Variants in HOOK3 observed in about 807,000 individuals in gnomAD.
The protein encoded by HOOK3 is hook microtubule tethering protein 3, also known as protein Hook homolog 3.
In HOOK3, 24 loss-of-function variants were observed where a neutral mutation model predicts 116.3. That is an observed-to-expected ratio of 0.21 (90% confidence interval 0.15 to 0.29). The LOEUF (loss-of-function observed/expected upper bound fraction) is 0.29. Ranked by LOEUF, HOOK3 falls within the 10% of genes least tolerant of loss-of-function variation. The pLI is 1.00. For missense variants in HOOK3, 632 were observed against 830.2 expected (o/e 0.76, Z 2.93); for synonymous variants, 275 against 283.0 (o/e 0.97, Z 0.28).
At chr8:42,975,805 A>G (rs34582788) in intron 13 of HOOK3, among the ~76,000 whole-genome samples, 7,240 of 152,274 alleles carry the variant, frequency 0.048, 231 homozygotes, top group South Asian at 0.086. Flanking sequence ...TCCCAGGTTC[A>G]AGCGATACTC....
chr8:43,004,830 T>C (rs1809447831), intron 17 of HOOK3, among the ~76,000 whole-genome samples: 1 of 152,192 alleles, frequency 6.6e-6, no homozygotes, highest in South Asian at 2.1e-4. Context: ...ATCAGTCTGC[T>C]TAGTAAACCT....
At chr8:42,902,764 C>A (rs1807217117) in intron 1 of HOOK3, among the ~76,000 whole-genome samples, 1 of 152,148 alleles carries the variant, frequency 6.6e-6, no homozygotes, top group African/African-American at 2.4e-5. Flanking sequence ...GATGAAACAT[C>A]CTGTCTAAAT....
chr8:42,999,737 C>G (rs1809344189), intron 16 of HOOK3, among the ~76,000 whole-genome samples: 1 of 152,050 alleles, frequency 6.6e-6, no homozygotes, highest in African/African-American at 2.4e-5. Flanking sequence ...AGCAGAAAAA[C>G]ATTGTTATAT....
rs1809996824 is a variant in HOOK3 at position 43,029,717 on chromosome 8, C to A, written c.*11219C>A. 1.5e-5 allele frequency: 3 copies of A among 196,930 alleles called. No individual in the cohort carries two copies. The highest frequency in any genetic ancestry group is 3.2e-5 in the Non-Finnish European group (3 of 95,176). The allele number at this position is 196,930 out of a possible 1,614,324, so 12.2% of individuals were successfully genotyped here. A position where few individuals can be genotyped will look rare whatever the true frequency, so the allele number is the denominator to read the frequency against. On this transcript the variant is annotated 3_prime_UTR_variant, in exon 22 of 22. Transcript: ENST00000307602. ...CCTTAGTTTGATTAATAAATTATAT[C>A]AAAAAACTTGGGGATAGAAAGAGGC...
chr8:42,965,933 G>C (rs1808624929), intron 9 of HOOK3, among the ~76,000 whole-genome samples: 1 of 152,066 alleles, frequency 6.6e-6, no homozygotes, highest in African/African-American at 2.4e-5. Context: ...TGTCTGCAAG[G>C]CTGGATTTTC....
In HOOK3 at chr8:43,015,935, C is replaced by G. The variant is rs569772153; in HGVS notation, c.2017-2423C>G. On this transcript the variant is annotated intron_variant, in intron 21 of 21. Transcript: ENST00000307602. ...GTTTCACCATCTTGGCCAGGCTGTT[C>G]TTGAATTCCTGACCTCGTGATTCAC... 4.4e-4 allele frequency among the ~76,000 whole-genome samples: 67 copies of G among 151,216 alleles called. 1 individual carries two copies. Among genetic ancestry groups the G allele is most frequent in the African/African-American group, 1.6e-3 (67 of 41,214 alleles).
chr8:42,905,230 C>T (rs1214783771), intron 1 of HOOK3, among the ~76,000 whole-genome samples: 2 of 150,522 alleles, frequency 1.3e-5, no homozygotes, highest in African/African-American at 4.9e-5. Context: ...GAATTCATCT[C>T]ACATACCGGG....
At chr8:42,902,802 T>G (rs1807217607) in intron 1 of HOOK3, among the ~76,000 whole-genome samples, 1 of 152,188 alleles carries the variant, frequency 6.6e-6, no homozygotes. Flanking sequence ...GGATTAGAAT[T>G]AGCTCCTTTC....
At position 42,970,782 on chromosome 8, in the gene HOOK3, C is replaced by CTTTTTTTTTT. The variant is rs764513803; in HGVS notation, c.1123-2495_1123-2486dup. Among the ~76,000 whole-genome samples the CTTTTTTTTTT allele has an allele frequency of 2.2e-4, 21 of 93,858 alleles. 3 individuals carry two copies. The highest frequency in any genetic ancestry group is 8.7e-4 in the African/African-American group (20 of 23,078). 61.6% of individuals were successfully genotyped at this position (93,858 alleles called of 152,430 possible). On this transcript the variant is annotated intron_variant, in intron 11 of 21. Coordinates refer to ENST00000307602, the MANE Select transcript of HOOK3 (RefSeq NM_032410.4). ...GTAAAGAAATAAAAGGAATTTGGGT[C>CTTTTTTTTTT]TTTTTTTTTTTTTTTTTTTTTCTGA...
chr8:42,927,245 G>GTTTTTTTTTTTTT (rs1283654855), intron 3 of HOOK3, among the ~76,000 whole-genome samples: 2 of 119,340 alleles, frequency 1.7e-5, no homozygotes, highest in Non-Finnish European at 3.4e-5. Context: ...AATGGCACTG[G>GTTTTTTTTTTTTT]TTTTTTTTTT....
chr8:43,028,500 G>GT lies in HOOK3; in HGVS notation c.*10010dup, dbSNP rs1182536893. The stretch of plus-strand genomic sequence containing the variant: ...ATAGATCTAATGAACATTGCCAACA[G>GT]TTTTTTTTGTTTCTGTCCCTTAAAC... On this transcript the variant is annotated 3_prime_UTR_variant, in exon 22 of 22. Coordinates refer to ENST00000307602, the MANE Select transcript of HOOK3 (RefSeq NM_032410.4). The GT allele has an allele frequency of 7.9e-5, 15 of 189,422 alleles. No homozygotes were observed. The highest frequency in any genetic ancestry group is 4.3e-4 in the East Asian group (5 of 11,764). The allele number at this position is 189,422 out of a possible 1,614,324, so 11.7% of individuals were successfully genotyped here.
chr8:42,927,314 TGGTGC>T (rs1260858613), intron 3 of HOOK3, among the ~76,000 whole-genome samples: 1 of 148,872 alleles, frequency 6.7e-6, no homozygotes, highest in Non-Finnish European at 1.5e-5. Context: ...TGTAGTGCAG[TGGTGC>T]AATCTCGGCT....
chr8:42,904,515 G>A (rs1365340407), intron 1 of HOOK3, among the ~76,000 whole-genome samples: 1 of 151,902 alleles, frequency 6.6e-6, no homozygotes, highest in East Asian at 1.9e-4. Flanking sequence ...ATTTCACTGT[G>A]TTAGTCAGGA....
At chr8:43,010,976 T>TG (rs2130487386) in intron 19 of HOOK3, among the ~76,000 whole-genome samples, 1 of 151,254 alleles carries the variant, frequency 6.6e-6, no homozygotes, top group African/African-American at 2.4e-5. Flanking sequence ...AGTCCTGGAC[T>TG]GGGGGTTAAG....
chr8:42,921,081 G>A (rs1476152351), intron 2 of HOOK3, among the ~76,000 whole-genome samples: 1 of 152,072 alleles, frequency 6.6e-6, no homozygotes, highest in Non-Finnish European at 1.5e-5. Flanking sequence ...TTATTCATAA[G>A]GTGTATTACT....
chr8:42,936,905 C>T (rs1807981606), intron 4 of HOOK3, among the ~76,000 whole-genome samples: 1 of 152,050 alleles, frequency 6.6e-6, no homozygotes, highest in African/African-American at 2.4e-5. Context: ...CTGGCCTCAT[C>T]AAATGAGTTA....
intron 17 of HOOK3, among the ~76,000 whole-genome samples, chr8:43,006,233 G>A (rs1255366369): frequency 2.0e-5 from 3 of 150,970 alleles, no homozygotes; most frequent in South Asian, 4.2e-4. Flanking sequence ...TGTTAGCCAG[G>A]ATGGTCTTGT....
At chr8:42,951,745 A>T (rs772916079) in intron 6 of HOOK3, among the ~76,000 whole-genome samples, 1 of 152,098 alleles carries the variant, frequency 6.6e-6, no homozygotes, top group Admixed American at 6.5e-5. Flanking sequence ...GATTGAGACC[A>T]TCCTGGCCAA....
chr8:42,987,881 C>T (rs1809077971), intron 15 of HOOK3, among the ~76,000 whole-genome samples: 1 of 151,800 alleles, frequency 6.6e-6, no homozygotes, highest in East Asian at 1.9e-4. Flanking sequence ...CAGTGATACT[C>T]TGTCATTTTT....
Sources: gnomAD v4.1 joint callset for allele counts (sites outside exome capture counted in the v4.1 genomes callset) on GRCh38, gnomAD v4.1.1 for gene constraint, MANE v1.5 for transcripts, NCBI Gene and HGNC (gene_info 2026-07-23, HGNC 2026-07-21) for gene names.